The following PGR variants were observed in gnomAD, a reference collection of about 807,000 sequenced individuals.
PGR encodes progesterone receptor.
A neutral mutation model predicts 76.1 loss-of-function variants in PGR; 25 were observed. The observed-to-expected ratio is 0.33, with a 90% CI of 0.24 to 0.46. The LOEUF is 0.46. Ranked by LOEUF, PGR falls within the 20% of genes least tolerant of loss-of-function variation. The pLI is 1.00. For missense variants in PGR, 1,172 were observed against 1,225.3 expected, an observed-to-expected ratio of 0.96 and a Z score of 0.65; for synonymous variants, 579 against 535.0, an observed-to-expected ratio of 1.08 and a Z score of -1.14.
chr11:101,049,895 G>C (rs1174403969), intron 6 of PGR, 34 bp downstream of exon 6: 12 of 1,567,202 alleles, frequency 7.7e-6, no homozygotes, highest in African/African-American at 1.4e-5. Flanking sequence ...TAAGAAACTA[G>C]ATATCTTGCA....
intron 2 of PGR, among the ~76,000 whole-genome samples, chr11:101,117,500 G>A (rs1862547573): frequency 6.6e-6 from 1 of 151,912 alleles, no homozygotes; most frequent in Non-Finnish European, 1.5e-5. Context: ...AGCAAATGGA[G>A]CAAATTTGTT....
chr11:101,045,665 T>TTGTGTGTGTGTGTG (rs5794091), intron 6 of PGR, among the ~76,000 whole-genome samples: 4 of 149,134 alleles, frequency 2.7e-5, no homozygotes, highest in African/African-American at 9.9e-5. Flanking sequence ...CTATTCCATT[T>TTGTGTGTGTGTGTG]TGTGTGTGTG....
intron 2 of PGR, among the ~76,000 whole-genome samples, chr11:101,122,827 C>T (rs1410712118): frequency 2.0e-5 from 3 of 152,112 alleles, no homozygotes; most frequent in African/African-American, 4.8e-5. Context: ...AAGAAACTGG[C>T]TGTTGGCTCC....
chr11:101,057,426 A>G (rs1860334364), intron 4 of PGR, among the ~76,000 whole-genome samples: 1 of 152,208 alleles, frequency 6.6e-6, no homozygotes, highest in Non-Finnish European at 1.5e-5. Context: ...TTCAGGAGCC[A>G]GATCACAGAA....
At chr11:101,090,369 G>T (rs574647117) in intron 3 of PGR, among the ~76,000 whole-genome samples, 1 of 152,266 alleles carries the variant, frequency 6.6e-6, no homozygotes, top group Non-Finnish European at 1.5e-5. Flanking sequence ...CAAGATTAAA[G>T]ATCTTAATGG....
At chr11:101,117,468 T>C (rs1862546425) in intron 2 of PGR, among the ~76,000 whole-genome samples, 1 of 152,122 alleles carries the variant, frequency 6.6e-6, no homozygotes. Context: ...TTTTGCCTTA[T>C]ATAAGAAATT....
intron 6 of PGR, among the ~76,000 whole-genome samples, chr11:101,045,682 TG>T (rs1859851789): frequency 6.6e-6 from 1 of 152,070 alleles, no homozygotes; most frequent in Non-Finnish European, 1.5e-5. Context: ...TGTGTGTGTG[TG>T]TGTGTGTGTG....
intron 2 of PGR, among the ~76,000 whole-genome samples, chr11:101,116,739 C>CAAAAA (rs11300466): frequency 1.0e-4 from 7 of 68,976 alleles, no homozygotes; most frequent in Admixed American, 3.7e-4. Flanking sequence ...GATTCCACCT[C>CAAAAA]AAAAAAAAAA....
rs148895673 is a variant in PGR, at chr11:101,081,004, T to C, written c.1906+10756A>G. On this transcript the variant is annotated intron_variant, in intron 3 of 7. Transcript: ENST00000325455. ...TAAAGCAAAAAAACCCTATGAATTA[T>C]TGGCATTCCTCAGAAAGTAGGAGAA... 3.1e-3 allele frequency among the ~76,000 whole-genome samples: 478 copies of C among 152,318 alleles called. 4 individuals carry two copies. Among genetic ancestry groups the C allele is most frequent in the African/African-American group, 9.1e-3 (378 of 41,580 alleles).
At chr11:101,063,430 G>A (rs1461810846) in intron 3 of PGR, 1 of 152,228 alleles carries the variant, frequency 6.6e-6, no homozygotes, top group Admixed American at 6.5e-5. Context: ...GATTTCTGGA[G>A]TTTCTACTTT....
chr11:101,128,071 C>T lies in PGR; in HGVS notation c.1000G>A (p.Gly334Arg). 5 of 1,600,552 alleles carry T rather than the reference C, an allele frequency of 3.1e-6. No individual in the cohort carries two copies. In the African/African-American group the frequency reaches 5.3e-5, roughly 17 times the overall value. ...LEDESYDGGA[G>R]AASAFAPPRS... ...GGCGGGGCAAAGGCGCTGGCAGCCC[C>T]GGCCCCGCCGTCGTAACTTTCGTCT... The change falls in exon 1 of 8, where the codon GGG becomes AGG. Residue 334 changes from glycine (G) to arginine (R), a missense_variant. Coordinates refer to ENST00000325455, the MANE Select transcript of PGR (RefSeq NM_000926.4).
chr11:101,123,888 T>C (rs571827530), intron 2 of PGR, among the ~76,000 whole-genome samples: 5 of 152,208 alleles, frequency 3.3e-5, no homozygotes, highest in Non-Finnish European at 7.3e-5. Flanking sequence ...TCCTTGAAAG[T>C]AGAAATGTCA....
Position 101,050,019 on chromosome 11 carries a change from T to G in PGR, c.2398A>C (p.Thr800Pro), listed in dbSNP as rs1860033861. 6.2e-7 allele frequency: 1 copy of G among 1,612,456 alleles called. No homozygotes were observed. Among genetic ancestry groups the G allele is most frequent in the Non-Finnish European group, 8.5e-7 (1 of 1,178,900 alleles). Residue 800 changes from threonine (T) to proline (P), a missense_variant, in exon 6 of 8, where the codon ACC (threonine) becomes CCC (proline). Around this residue, in one of 4 missense-constraint regions of PGR, gnomAD observed 166 missense variants for 296.0 expected, o/e 0.56. Transcript: ENST00000325455. ...AACTCCTGTGGGATCTGCCACATGG[T>G]AAGGCATAATGAATAGAATGATGAT... ...KESSFYSLCL[T>P]MWQIPQEFVK...
rs1555050879 is a variant in PGR, at chr11:101,059,863, A to AAG, written c.2212+2583_2212+2584insCT. On this transcript the variant is annotated intron_variant, in intron 4 of 7. Transcript: ENST00000325455. ...CTCTCAAAAAAAAAAAAAAAAAAAGAAAAAAAAGAAAAGAAACAAAAGGAT... is the reference window on the plus strand; with the variant it reads ...CTCTCAAAAAAAAAAAAAAAAAAAGAAGAAAAAAAGAAAAGAAACAAAAGGAT... 9.5e-4 allele frequency among the ~76,000 whole-genome samples: 134 copies of AAG among 141,180 alleles called. 1 individual carries two copies. Among genetic ancestry groups the AAG allele is most frequent in the Non-Finnish European group, 1.4e-3 (87 of 64,100 alleles). 92.6% of individuals were successfully genotyped at this position (141,180 alleles called of 152,430 possible).
At chr11:101,065,832 T>C (rs1935044007) in intron 3 of PGR, among the ~76,000 whole-genome samples, 1 of 151,906 alleles carries the variant, frequency 6.6e-6, no homozygotes, top group South Asian at 2.1e-4. Flanking sequence ...TGAATAGTTG[T>C]CTCTCATTCA....
intron 4 of PGR, among the ~76,000 whole-genome samples, chr11:101,056,262 G>T (rs1860288023): frequency 6.6e-6 from 1 of 151,238 alleles, no homozygotes; most frequent in South Asian, 2.1e-4. Context: ...CCTTTTAAGT[G>T]ACTTGACCTG....
chr11:101,044,947 T>C (rs1319932403), intron 6 of PGR, among the ~76,000 whole-genome samples: 1 of 152,012 alleles, frequency 6.6e-6, no homozygotes, highest in African/African-American at 2.4e-5. Flanking sequence ...CCTCAAGTGA[T>C]TCGCCCACCT....
At chr11:101,107,423 G>C (rs1191594855) in intron 2 of PGR, among the ~76,000 whole-genome samples, 2 of 152,086 alleles carry the variant, frequency 1.3e-5, no homozygotes, top group African/African-American at 2.4e-5. Flanking sequence ...ACGTGAAATT[G>C]TATGAAGTAC....
intron 6 of PGR, among the ~76,000 whole-genome samples, chr11:101,048,171 A>G (rs1043601951): frequency 2.0e-5 from 3 of 152,224 alleles, no homozygotes; most frequent in African/African-American, 7.2e-5. Context: ...GGACTGTGTC[A>G]GTGATAAAGA....
Sources: gnomAD v4.1 joint callset for allele counts (sites outside exome capture counted in the v4.1 genomes callset) on GRCh38, gnomAD v4.1.1 for gene constraint, gnomAD v4.1.1 regional missense constraint, MANE v1.5 for transcripts, NCBI Gene and HGNC (gene_info 2026-07-23, HGNC 2026-07-21) for gene names.